Variants in PIK3AP1 observed in about 807,000 individuals in gnomAD.
The protein encoded by PIK3AP1 is phosphoinositide 3-kinase adapter protein 1.
Under a neutral mutation model 88.1 loss-of-function variants are expected in PIK3AP1, and 21 were observed. The ratio of observed to expected loss-of-function variants is 0.24; its 90% CI spans 0.17 to 0.34. The LOEUF is 0.34. Ranked by LOEUF, PIK3AP1 falls within the 10% of genes least tolerant of loss-of-function variation. The probability of loss-of-function intolerance (pLI) is 1.00; values close to 1 mark genes in which losing one functional copy is unlikely to be tolerated. For missense variants in PIK3AP1, 828 were observed against 1,035.7 expected (o/e 0.80, Z 2.75); for synonymous variants, 398 against 400.0 (o/e 1.00, Z 0.06).
At chr10:96,668,288 T>C (rs1843793578) in intron 2 of PIK3AP1, among the ~76,000 whole-genome samples, 1 of 152,192 alleles carries the variant, frequency 6.6e-6, no homozygotes. Context: ...GGTACATGAA[T>C]TTAAGAAAAT....
chr10:96,600,129 G>T (rs1324262), intron 16 of PIK3AP1, among the ~76,000 whole-genome samples: 148,383 of 152,234 alleles, frequency 0.97, 72,413 homozygotes, highest in Middle Eastern at 1. Flanking sequence ...CCCTAATACT[G>T]AGACTTTCTT....
At position 96,602,323 on chromosome 10, in the gene PIK3AP1, G is replaced by C. The variant is rs1462949784; in HGVS notation, c.2317C>G (p.Leu773Val). 6.8e-6 allele frequency: 11 copies of C among 1,609,834 alleles called. No individual in the cohort carries two copies. The highest frequency in any genetic ancestry group is 9.3e-6 in the Non-Finnish European group (11 of 1,178,442). The part of the protein sequence containing the change: ...PQVDGTPTMS[L>V]ERPPRVPPRA... ...GGAGGCACCCTGGGGGGTCTCTCGA[G>C]GGACATGGTGGGTGTCCCATCCACT... Residue 773 changes from leucine (L) to valine (V), a missense_variant, in exon 16 of 17, where the codon CTC (leucine) becomes GTC (valine). Around this residue, in one of 3 missense-constraint regions of PIK3AP1, gnomAD observed 191 missense variants for 208.6 expected, o/e 0.92. Transcript: ENST00000339364.
Position 96,604,014 on chromosome 10 carries a change from G to A in PIK3AP1, c.2206C>T (p.Leu736Phe). 1 of 1,608,198 alleles carries A rather than the reference G, an allele frequency of 6.2e-7. No individual in the cohort carries two copies. The highest frequency in any genetic ancestry group is 8.5e-7 in the Non-Finnish European group (1 of 1,177,152). Residue 736 changes from leucine (L) to phenylalanine (F), a missense_variant, in exon 15 of 17, where the codon CTC becomes TTC. Leu to Phe is a conservative substitution (Grantham distance 22, BLOSUM62 0). Around this residue, in one of 3 missense-constraint regions of PIK3AP1, gnomAD observed 191 missense variants for 208.6 expected, o/e 0.92. Transcript: ENST00000339364. Reference sequence around the variant, plus strand: ...CCTTCCATCCCGCTGCTCACACTGAGGAGGCTCCGGGTGCTGGAGCGGTTA... The same window carrying A: ...CCTTCCATCCCGCTGCTCACACTGAAGAGGCTCCGGGTGCTGGAGCGGTTA... ...TSNRSSTRSL[L>F]SVSSGMEGDN...
rs763923650 is a variant in PIK3AP1, at chr10:96,711,739, A to ATTTTTTTTTTTTTTT, written c.14-1771_14-1757dup. Among the ~76,000 whole-genome samples the ATTTTTTTTTTTTTTT allele has an allele frequency of 3.3e-4, 22 of 66,446 alleles. 7 individuals carry two copies. Among genetic ancestry groups the ATTTTTTTTTTTTTTT allele is most frequent in the African/African-American group, 1.5e-3 (22 of 14,256 alleles). 43.6% of individuals were successfully genotyped at this position (66,446 alleles called of 152,430 possible). A position where few individuals can be genotyped will look rare whatever the true frequency, so the allele number is the denominator to read the frequency against. On this transcript the variant is annotated intron_variant, in intron 1 of 16. Coordinates refer to ENST00000339364, the MANE Select transcript of PIK3AP1 (RefSeq NM_152309.3). ...ATTTCCCCCAGGATGAGATTACCAAATTTTTTTTTTTTTTTTTTTTTTTTT... is the reference window on the plus strand; with the variant it reads ...ATTTCCCCCAGGATGAGATTACCAAATTTTTTTTTTTTTTTTTTTTTTTTTTTTTTTTTTTTTTTT...
chr10:96,606,686 G>A (rs1418824689), intron 14 of PIK3AP1, among the ~76,000 whole-genome samples: 1 of 152,216 alleles, frequency 6.6e-6, no homozygotes, highest in Admixed American at 6.5e-5. Context: ...TCTACCATCA[G>A]GGGAGAAGTA....
chr10:96,684,720 T>A (rs779106316), intron 2 of PIK3AP1, among the ~76,000 whole-genome samples: 1 of 152,090 alleles, frequency 6.6e-6, no homozygotes, highest in Non-Finnish European at 1.5e-5. Context: ...TTCCAAATGG[T>A]TGGAAAAGAT....
At chr10:96,708,621 A>G (rs1413811567) in intron 2 of PIK3AP1, among the ~76,000 whole-genome samples, 3 of 148,428 alleles carry the variant, frequency 2.0e-5, no homozygotes, top group South Asian at 2.2e-4. Context: ...AAGCAAAAAG[A>G]GGAAGAAAAG....
chr10:96,701,231 G>A (rs1488348209), intron 2 of PIK3AP1, among the ~76,000 whole-genome samples: 1 of 152,216 alleles, frequency 6.6e-6, no homozygotes, highest in East Asian at 1.9e-4. Flanking sequence ...AGCACTCAGG[G>A]AAGCGTCATT....
chr10:96,705,400 G>A (rs1238344351), intron 2 of PIK3AP1, among the ~76,000 whole-genome samples: 1 of 152,074 alleles, frequency 6.6e-6, no homozygotes, highest in Admixed American at 6.6e-5. Flanking sequence ...TCTTACTCCT[G>A]GAGATGTGGC....
intron 8 of PIK3AP1, among the ~76,000 whole-genome samples, chr10:96,637,869 T>G (rs944421689): frequency 6.6e-6 from 1 of 152,170 alleles, no homozygotes; most frequent in Non-Finnish European, 1.5e-5. Flanking sequence ...CTACTCCTGG[T>G]TGGACATCAA....
At chr10:96,629,930 A>AAGAAGAAGAAGAAG (rs1554955594) in intron 8 of PIK3AP1, among the ~76,000 whole-genome samples, 2 of 13,724 alleles carry the variant, frequency 1.5e-4, no homozygotes, top group African/African-American at 3.7e-4. Flanking sequence ...AAAAAAAAAA[A>AAGAAGAAGAAGAAG]AAGAAGAAGA....
At chr10:96,628,930 G>T (rs1212364660) in intron 8 of PIK3AP1, among the ~76,000 whole-genome samples, 1 of 48,190 alleles carries the variant, frequency 2.1e-5, no homozygotes, top group African/African-American at 6.6e-5. Context: ...ATATATATAT[G>T]GCAAGGTCTC....
At chr10:96,713,813 C>G (rs1362056045) in intron 1 of PIK3AP1, among the ~76,000 whole-genome samples, 3 of 152,162 alleles carry the variant, frequency 2.0e-5, no homozygotes, top group Non-Finnish European at 4.4e-5. Flanking sequence ...GATCCTGCCT[C>G]ACCAGCTAAC....
chr10:96,720,410 T>C lies in PIK3AP1; in HGVS notation c.-16A>G. ...AGGCTGCCATGCCGCGGGGCGCCGC[T>C]CACATCCCTGGCTCGCTGCGTGCCC... On this transcript the variant is annotated 5_prime_UTR_variant, in exon 1 of 17. An upstream open reading frame in the 5' UTR loses its in-frame stop. Transcript: ENST00000339364. The surrounding 1 kb of genome is among the most constrained non-coding windows in gnomAD (Gnocchi z 4.6). 8.9e-6 allele frequency: 11 copies of C among 1,236,464 alleles called. No homozygotes were observed. The highest frequency in any genetic ancestry group is 1.1e-5 in the Non-Finnish European group (11 of 986,326). 76.6% of individuals were successfully genotyped at this position (1,236,464 alleles called of 1,614,324 possible). A position where few individuals can be genotyped will look rare whatever the true frequency, so the allele number is the denominator to read the frequency against.
Position 96,637,340 on chromosome 10 carries a change from A to AC in PIK3AP1, c.1375+8132dup, listed in dbSNP as rs570952435. Among the ~76,000 whole-genome samples the AC allele has an allele frequency of 7.1e-3, 1,081 of 151,724 alleles. 7 individuals carry two copies. Among genetic ancestry groups the AC allele is most frequent in the Non-Finnish European group, 0.012 (811 of 67,896 alleles). On this transcript the variant is annotated intron_variant, in intron 8 of 16. Transcript: ENST00000339364. ...CACACACACACACACACACACACAC[A>AC]CACACACACACACACACTCTGTGAT...
intron 8 of PIK3AP1, among the ~76,000 whole-genome samples, chr10:96,639,731 C>T (rs79389099): frequency 2.6e-5 from 4 of 152,298 alleles, no homozygotes; most frequent in African/African-American, 7.2e-5. Flanking sequence ...TGGCTCTACT[C>T]GCCAGAATCT....
In PIK3AP1 at chr10:96,613,988, G is replaced by C. The variant is rs374032782; in HGVS notation, c.2014+2651C>G. On this transcript the variant is annotated intron_variant, in intron 13 of 16. Transcript: ENST00000339364. ...ACAGCTCCCAGCTAGTGAGGGGTGA[G>C]CAGTGAGCAGGAATTTGACCCCAAC... Among the ~76,000 whole-genome samples, 7 of 152,184 alleles carry C rather than the reference G, an allele frequency of 4.6e-5. No homozygotes were observed. The East Asian group carries it at 1.2e-3, about 25-fold the overall frequency.
At chr10:96,638,836 C>T (rs1325870561) in intron 8 of PIK3AP1, among the ~76,000 whole-genome samples, 7 of 152,196 alleles carry the variant, frequency 4.6e-5, no homozygotes, top group African/African-American at 1.4e-4. Flanking sequence ...GTTTAATATT[C>T]AGCTCTCTCA....
In PIK3AP1 at chr10:96,595,462, A is replaced by C. The variant is rs553514914; in HGVS notation, c.*115T>G. On this transcript the variant is annotated 3_prime_UTR_variant, in exon 17 of 17. Coordinates refer to ENST00000339364, the MANE Select transcript of PIK3AP1 (RefSeq NM_152309.3). ...CAGGGCTGCAGCATTATCAGCAATG[A>C]GAATGGATCTTAAGGTCAACAGTCA... 2 of 1,143,444 alleles carry C rather than the reference A, an allele frequency of 1.7e-6. No homozygotes were observed. The allele number at this position is 1,143,444 out of a possible 1,614,324, so 70.8% of individuals were successfully genotyped here. A position where few individuals can be genotyped will look rare whatever the true frequency, so the allele number is the denominator to read the frequency against.
Sources: allele counts gnomAD v4.1 joint callset (sites outside exome capture counted in the v4.1 genomes callset), GRCh38; gene constraint gnomAD v4.1.1; regional missense constraint gnomAD v4.1.1; non-coding constraint Gnocchi (gnomAD v3.1); transcripts MANE v1.5; gene names NCBI Gene and HGNC (gene_info 2026-07-23, HGNC 2026-07-21).